The following WWOX variants were observed in gnomAD, a reference collection of about 807,000 sequenced individuals.
WWOX encodes WW domain-containing oxidoreductase.
A neutral mutation model predicts 46.2 loss-of-function variants in WWOX; 69 were observed. The ratio of observed to expected loss-of-function variants is 1.49; its 90% CI spans 1.23 to 1.82. WWOX has a LOEUF of 1.82. Ranked by LOEUF, WWOX falls within the 40% of genes most tolerant of loss-of-function variation. The pLI is 0.00. For missense variants in WWOX, 919 were observed against 542.6 expected (o/e 1.69, Z -6.89); for synonymous variants, 359 against 202.6 (o/e 1.77, Z -6.56).
At chr16:78,800,605 C>T (rs2050861152) in intron 8 of WWOX, among the ~76,000 whole-genome samples, 1 of 152,216 alleles carries the variant, frequency 6.6e-6, no homozygotes, top group South Asian at 2.1e-4. Flanking sequence ...CATTCGCTTC[C>T]TTTGCTAAAT....
intron 5 of WWOX, among the ~76,000 whole-genome samples, chr16:78,308,883 T>C (rs2080181724): frequency 6.6e-6 from 1 of 152,180 alleles, no homozygotes; most frequent in Non-Finnish European, 1.5e-5. Flanking sequence ...ATCTACCTGA[T>C]ACGGTTTGGC....
intron 8 of WWOX, among the ~76,000 whole-genome samples, chr16:78,715,459 C>T (rs912485387): frequency 6.6e-6 from 1 of 150,934 alleles, no homozygotes; most frequent in Non-Finnish European, 1.5e-5. Flanking sequence ...TCTGACTCCA[C>T]CCCACCCCCA....
chr16:78,659,060 C>G (rs1228291444), intron 8 of WWOX, among the ~76,000 whole-genome samples: 2 of 150,680 alleles, frequency 1.3e-5, no homozygotes, highest in Non-Finnish European at 3.0e-5. Context: ...CCACTGCACT[C>G]CAGCCTGGGC....
At chr16:78,546,602 A>G (rs1039592467) in intron 8 of WWOX, among the ~76,000 whole-genome samples, 4 of 152,234 alleles carry the variant, frequency 2.6e-5, no homozygotes, top group Admixed American at 1.3e-4. Context: ...AGACTCAGCT[A>G]GGAACTTATT....
In WWOX at chr16:78,498,214, A is replaced by AAAAGAAAAG. The variant is rs771142388; in HGVS notation, c.1056+65465_1056+65466insGAAAAGAAA. ...AGCAAGACTCCATCTCAAAAAAAAA[A>AAAAGAAAAG]AAAAGAAAAAAAAGCATCAGGGTTG... On this transcript the variant is annotated intron_variant, in intron 8 of 8. Coordinates refer to ENST00000566780, the MANE Select transcript of WWOX (RefSeq NM_016373.4). Among the ~76,000 whole-genome samples the AAAAGAAAAG allele has an allele frequency of 4.2e-4, 54 of 128,216 alleles. 2 individuals carry two copies. The highest frequency in any genetic ancestry group is 1.7e-3 in the South Asian group (7 of 4,132). 84.1% of individuals were successfully genotyped at this position (128,216 alleles called of 152,430 possible).
rs561840877 is a variant in WWOX at position 78,911,645 on chromosome 16, C to T, written c.1057-299963C>T. ...CTTTGGGAAGCTGAGACAGGCAGAT[C>T]ACTTGAAGTCAGGAGTTTGAGACCA... is the stretch of plus-strand genomic sequence containing the variant. On this transcript the variant is annotated intron_variant, in intron 8 of 8. Transcript: ENST00000566780. Among the ~76,000 whole-genome samples the T allele has an allele frequency of 2.0e-5, 3 of 152,142 alleles. No homozygotes were observed. The South Asian group carries it at 6.2e-4, about 32-fold the overall frequency.
chr16:78,114,329 G>A (rs536657177), intron 3 of WWOX, among the ~76,000 whole-genome samples: 1 of 152,106 alleles, frequency 6.6e-6, no homozygotes, highest in South Asian at 2.1e-4. Flanking sequence ...TGAACTCCTG[G>A]GCTCAAGTGG....
intron 8 of WWOX, among the ~76,000 whole-genome samples, chr16:78,493,001 C>T (rs748534892): frequency 6.6e-6 from 1 of 152,130 alleles, no homozygotes; most frequent in Admixed American, 6.5e-5. Flanking sequence ...ATGGGAGATA[C>T]TCTTTACCAT....
intron 8 of WWOX, among the ~76,000 whole-genome samples, chr16:78,859,027 A>AAAATAT (rs1555551610): frequency 6.3e-4 from 15 of 23,682 alleles, no homozygotes; most frequent in Non-Finnish European, 8.0e-4. Context: ...AAAAAAAAAA[A>AAAATAT]ATATATATAT....
intron 8 of WWOX, among the ~76,000 whole-genome samples, chr16:79,013,584 TC>T (rs1264300958): frequency 1.3e-5 from 2 of 152,122 alleles, no homozygotes; most frequent in Non-Finnish European, 2.9e-5. Context: ...TGTACTGTCT[TC>T]CACCGGGACA....
intron 5 of WWOX, among the ~76,000 whole-genome samples, chr16:78,247,669 C>T (rs779526665): frequency 1.6e-4 from 25 of 152,194 alleles, no homozygotes; most frequent in African/African-American, 4.1e-4. Context: ...TCCACTCCTG[C>T]GTCTCTGGCC....
At chr16:78,880,071 G>GA in intron 8 of WWOX, among the ~76,000 whole-genome samples, 2 of 152,320 alleles carry the variant, frequency 1.3e-5, no homozygotes, top group African/African-American at 4.8e-5. Flanking sequence ...GATACGAGTT[G>GA]ATGATACCGT....
At chr16:78,822,605 T>C (rs1044572838) in intron 8 of WWOX, among the ~76,000 whole-genome samples, 4 of 152,208 alleles carry the variant, frequency 2.6e-5, no homozygotes, top group African/African-American at 4.8e-5. Context: ...AGCCTAGATA[T>C]TCACTAGAAC....
chr16:78,680,119 A>C (rs1032699043), intron 8 of WWOX, among the ~76,000 whole-genome samples: 2 of 152,220 alleles, frequency 1.3e-5, no homozygotes, highest in Non-Finnish European at 2.9e-5. Context: ...AAATAAGAAA[A>C]GGTATCTAGG....
intron 8 of WWOX, among the ~76,000 whole-genome samples, chr16:79,142,071 T>G (rs2150716657): frequency 6.6e-6 from 1 of 152,338 alleles, no homozygotes; most frequent in South Asian, 2.1e-4. Flanking sequence ...CTTTTTCTCC[T>G]TCTTCTCCAT....
chr16:78,207,045 T>G (rs544551912), intron 5 of WWOX, among the ~76,000 whole-genome samples: 1 of 152,290 alleles, frequency 6.6e-6, no homozygotes, highest in South Asian at 2.1e-4. Flanking sequence ...GGTGAAGTAA[T>G]TTTCCCAGGG....
At chr16:78,416,881 A>T (rs2082809316) in intron 6 of WWOX, among the ~76,000 whole-genome samples, 1 of 152,236 alleles carries the variant, frequency 6.6e-6, no homozygotes, top group African/African-American at 2.4e-5. Flanking sequence ...AGGGGAGGAC[A>T]CAGATTCACA....
chr16:78,141,149 G>C (rs1383599533), intron 4 of WWOX, among the ~76,000 whole-genome samples: 1 of 152,224 alleles, frequency 6.6e-6, no homozygotes, highest in African/African-American at 2.4e-5. Context: ...AAGTGAGTTC[G>C]AATTGCAAAG....
intron 8 of WWOX, among the ~76,000 whole-genome samples, chr16:78,605,276 C>T (rs925853331): frequency 2.6e-5 from 4 of 151,792 alleles, no homozygotes; most frequent in Non-Finnish European, 5.9e-5. Context: ...CCTCCTGCTT[C>T]CTCTTCCTCT....
Sources: gnomAD v4.1 joint callset for allele counts (sites outside exome capture counted in the v4.1 genomes callset) on GRCh38, gnomAD v4.1.1 for gene constraint, MANE v1.5 for transcripts, NCBI Gene and HGNC (gene_info 2026-07-23, HGNC 2026-07-21) for gene names.